PIP5K1C: variants seen among roughly 807,000 people sequenced by gnomAD.
PIP5K1C encodes the protein phosphatidylinositol 4-phosphate 5-kinase type-1 gamma.
Under a neutral mutation model 80.1 loss-of-function variants are expected in PIP5K1C, and 45 were observed. The observed-to-expected ratio is 0.56, with a 90% CI of 0.44 to 0.72. The LOEUF is 0.72. Ranked by LOEUF, PIP5K1C falls within the 30% of genes least tolerant of loss-of-function variation. The pLI, the probability that PIP5K1C is intolerant of heterozygous loss-of-function variation, is 0.00. For missense variants in PIP5K1C, 753 were observed against 954.6 expected (o/e 0.79, Z 2.78); for synonymous variants, 498 against 420.1 (o/e 1.19, Z -2.27).
At chr19:3,669,346 G>A (rs545857000) in intron 1 of PIP5K1C, among the ~76,000 whole-genome samples, 6 of 152,330 alleles carry the variant, frequency 3.9e-5, no homozygotes, top group South Asian at 2.1e-4. Context: ...CTTCCAGGCC[G>A]GCTGAGGTGA....
At chr19:3,662,079 G>C in intron 3 of PIP5K1C, 78 bp from the exon 4 acceptor site, 3 of 1,492,182 alleles carry the variant, frequency 2.0e-6, no homozygotes, top group Non-Finnish European at 2.7e-6. Context: ...CCGGGGGGTG[G>C]AGATCGTGAC....
intron 1 of PIP5K1C, among the ~76,000 whole-genome samples, chr19:3,668,211 G>A (rs1359349702): frequency 6.6e-6 from 1 of 152,004 alleles, no homozygotes; most frequent in African/African-American, 2.4e-5. Context: ...GGGAGCAGGC[G>A]AGACTCAGCT....
Position 3,656,569 on chromosome 19 carries a change from G to C in PIP5K1C, c.469-12C>G. The C allele has an allele frequency of 1.2e-6, 2 of 1,613,138 alleles. No homozygotes were observed. The highest frequency in any genetic ancestry group is 4.5e-5 in the East Asian group (2 of 44,886). On this transcript the variant is annotated splice_polypyrimidine_tract_variant and intron_variant, in intron 5 of 17. Transcript: ENST00000335312. Reference sequence around the variant, plus strand: ...TTGCACAGGGAGTACTGGAAGCAGAGGAGGCGGGTCAGCGGGCCCCAAGCT... The same window carrying C: ...TTGCACAGGGAGTACTGGAAGCAGACGAGGCGGGTCAGCGGGCCCCAAGCT...
chr19:3,667,726 T>C (rs1278279793), intron 1 of PIP5K1C, among the ~76,000 whole-genome samples: 1 of 152,166 alleles, frequency 6.6e-6, no homozygotes, highest in Non-Finnish European at 1.5e-5. Flanking sequence ...CTCCCCCGGC[T>C]CTGACCCCCT....
intron 10 of PIP5K1C, 23 bp from the exon 11 acceptor site, chr19:3,646,081 G>C: frequency 6.7e-7 from 1 of 1,488,848 alleles, no homozygotes; most frequent in Non-Finnish European, 9.4e-7. Flanking sequence ...TGGGGGGGGT[G>C]CCCGGGGGCA....
chr19:3,633,637 G>A, intron 16 of PIP5K1C, 117 bp from the exon 17 acceptor site: 1 of 641,326 alleles, frequency 1.6e-6, no homozygotes, highest in Non-Finnish European at 2.3e-6. Flanking sequence ...ATCCCCCATG[G>A]AAGACGAGGG....
At chr19:3,666,596 A>C (rs537988513) in intron 2 of PIP5K1C, among the ~76,000 whole-genome samples, 4 of 151,128 alleles carry the variant, frequency 2.6e-5, no homozygotes, top group South Asian at 2.1e-4. Context: ...AACACAGGCA[A>C]ACACGTGCAC....
At position 3,637,064 on chromosome 19, in the gene PIP5K1C, C is replaced by T. The variant is rs775716186; in HGVS notation, c.1920+1820G>A. 2.4e-5 allele frequency: 28 copies of T among 1,183,652 alleles called. No individual in the cohort carries two copies. Among genetic ancestry groups the T allele is most frequent in the Admixed American group, 4.4e-5 (1 of 22,768 alleles). 73.3% of individuals were successfully genotyped at this position (1,183,652 alleles called of 1,614,324 possible). A position where few individuals can be genotyped will look rare whatever the true frequency, so the allele number is the denominator to read the frequency against. On this transcript the variant is annotated intron_variant, in intron 16 of 17. Coordinates refer to ENST00000335312, the MANE Select transcript of PIP5K1C (RefSeq NM_012398.3). This position sits in a 1 kb window ranked among gnomAD's most constrained non-coding sequence, Gnocchi z 7.0. The stretch of plus-strand genomic sequence containing the variant: ...GGGTGTGGAGAGACCATCTCCTCCC[C>T]GTCTCCATGGCCCTGCGGTTCAGAG...
At chr19:3,667,887 G>A (rs1166134688) in intron 1 of PIP5K1C, among the ~76,000 whole-genome samples, 1 of 152,208 alleles carries the variant, frequency 6.6e-6, no homozygotes, top group Admixed American at 6.5e-5. Context: ...GGCCCCCGCT[G>A]GGGCGAGGGC....
intron 2 of PIP5K1C, among the ~76,000 whole-genome samples, 174 bp from the exon 3 acceptor site, chr19:3,665,088 C>T (rs1384965438): frequency 2.0e-5 from 3 of 152,182 alleles, no homozygotes; most frequent in Admixed American, 1.3e-4. Context: ...CACCCGTGGG[C>T]GCCTGGCGGG....
rs893800504 is a variant in PIP5K1C at position 3,637,579 on chromosome 19, C to T, written c.1920+1305G>A. The T allele has an allele frequency of 2.9e-5, 36 of 1,251,084 alleles. No homozygotes were observed. The highest frequency in any genetic ancestry group is 1.3e-4 in the African/African-American group (7 of 55,666). The allele number at this position is 1,251,084 out of a possible 1,614,324, so 77.5% of individuals were successfully genotyped here. On this transcript the variant is annotated intron_variant, in intron 16 of 17. Coordinates refer to ENST00000335312, the MANE Select transcript of PIP5K1C (RefSeq NM_012398.3). The surrounding 1 kb of genome is among the most constrained non-coding windows in gnomAD (Gnocchi z 7.0). ...CGTCACGGCCCGCAGTCGGCGATGG[C>T]GGGGAGAGTAAATCCAGTACCTCCC...
chr19:3,643,057 T>A (rs1350562259), intron 13 of PIP5K1C, 118 bp from the exon 14 acceptor site: 1 of 1,456,600 alleles, frequency 6.9e-7, no homozygotes, highest in African/African-American at 1.4e-5. Flanking sequence ...CACCTGTACA[T>A]ATGCTCCTCC....
rs1417968760 is a variant in PIP5K1C, at chr19:3,642,892, G to A, written c.1682+15C>T. On this transcript the variant is annotated intron_variant, in intron 14 of 17. Transcript: ENST00000335312. ...AGCTGGTGAGACCCAGGGAAGGAAG[G>A]GGGTTGGGTCTCACCTGCCATCCTG... 9 of 1,610,566 alleles carry A rather than the reference G, an allele frequency of 5.6e-6. No individual in the cohort carries two copies. In the Admixed American group the frequency reaches 8.3e-5, roughly 15 times the overall value.
intron 1 of PIP5K1C, among the ~76,000 whole-genome samples, chr19:3,667,858 T>A (rs1271022431): frequency 6.6e-6 from 1 of 151,856 alleles, no homozygotes; most frequent in Non-Finnish European, 1.5e-5. Context: ...GGTGCCAGCG[T>A]GGGGAGTGAG....
chr19:3,640,415 C>T (rs561640403), intron 15 of PIP5K1C, among the ~76,000 whole-genome samples: 1 of 152,170 alleles, frequency 6.6e-6, no homozygotes, highest in African/African-American at 2.4e-5. Context: ...ACTCGGGAGG[C>T]TGAGGCAAGA....
intron 8 of PIP5K1C, among the ~76,000 whole-genome samples, chr19:3,651,597 G>A (rs558962223): frequency 3.9e-5 from 6 of 152,288 alleles, no homozygotes; most frequent in South Asian, 4.1e-4. Flanking sequence ...AATGGGAAAC[G>A]CCCCCACCAT....
rs766176166 is a variant in PIP5K1C, at chr19:3,661,009, CG to C, written c.424del (p.Arg142AlafsTer23). 3 of 1,613,890 alleles carry C rather than the reference CG, an allele frequency of 1.9e-6. No individual in the cohort carries two copies. Among genetic ancestry groups the C allele is most frequent in the Non-Finnish European group, 1.7e-6 (2 of 1,179,906 alleles). On this transcript the variant is annotated frameshift_variant, in exon 5 of 18. Coordinates refer to ENST00000335312, the MANE Select transcript of PIP5K1C (RefSeq NM_012398.3). LOFTEE classifies it high-confidence loss of function. ...RFKTYAPVAF[R>X]YFRELFGIRP... Reference sequence around the variant, plus strand: ...GATCCCAAAGAGCTCCCGGAAGTAGCGGAAGGCGACAGGTGCATAGGTCTTG... The same window carrying C: ...GATCCCAAAGAGCTCCCGGAAGTAGCGAAGGCGACAGGTGCATAGGTCTTG...
At position 3,630,735 on chromosome 19, in the gene PIP5K1C, A is replaced by G. The variant is rs2033447441; in HGVS notation, c.*2432T>C. ...GCAAACGCCTTTTAGTCTTTACAGTACAGGAATTTGGACACTGCCCACGTT... is the reference window on the plus strand; with the variant it reads ...GCAAACGCCTTTTAGTCTTTACAGTGCAGGAATTTGGACACTGCCCACGTT... On this transcript the variant is annotated 3_prime_UTR_variant, in exon 18 of 18. Transcript: ENST00000335312. The G allele has an allele frequency of 6.6e-6, 1 of 152,274 alleles. No homozygotes were observed. Among genetic ancestry groups the G allele is most frequent in the Non-Finnish European group, 1.5e-5 (1 of 68,040 alleles). 9.4% of individuals were successfully genotyped at this position (152,274 alleles called of 1,614,324 possible).
rs1428129028 is a variant in PIP5K1C, at chr19:3,696,704, AGACGGGAGGGCAGGGAGGGCAGAGTGCG to A, written c.94+3565_94+3592del. Among the ~76,000 whole-genome samples, 623 of 120,372 alleles carry A rather than the reference AGACGGGAGGGCAGGGAGGGCAGAGTGCG, an allele frequency of 5.2e-3. 8 individuals carry two copies. Among genetic ancestry groups the A allele is most frequent in the African/African-American group, 0.017 (505 of 30,116 alleles). The allele number at this position is 120,372 out of a possible 152,430, so 79.0% of individuals were successfully genotyped here. A position where few individuals can be genotyped will look rare whatever the true frequency, so the allele number is the denominator to read the frequency against. ...GGCCCATGGGCCTACAGCAGAGTGC[AGACGGGAGGGCAGGGAGGGCAGAGTGCG>A]GAGGGGAGGGCAGGGAGGGCAGGGA... On this transcript the variant is annotated intron_variant, in intron 1 of 17. Transcript: ENST00000335312. This position sits in a 1 kb window ranked among gnomAD's most constrained non-coding sequence, Gnocchi z 4.1.
Sources: allele counts gnomAD v4.1 joint callset (sites outside exome capture counted in the v4.1 genomes callset), GRCh38; gene constraint gnomAD v4.1.1; non-coding constraint Gnocchi (gnomAD v3.1); transcripts MANE v1.5; gene names NCBI Gene and HGNC (gene_info 2026-07-23, HGNC 2026-07-21).